AGO1: variants seen among roughly 807,000 people sequenced by gnomAD.
The protein encoded by AGO1 is argonaute RISC component 1.
Under a neutral mutation model 109.2 loss-of-function variants are expected in AGO1, and 11 were observed. The observed-to-expected ratio is 0.10, with a 90% CI of 0.06 to 0.17. The LOEUF (loss-of-function observed/expected upper bound fraction) is 0.17, where lower values mean the gene tolerates loss of function less well. Among genes scored for constraint, AGO1 ranks in the 10% least tolerant of loss-of-function variants. The pLI is 1.00. For missense variants in AGO1, 574 were observed against 1,140.3 expected (o/e 0.50, Z 7.15); for synonymous variants, 422 against 418.6 (o/e 1.01, Z -0.10).
Position 35,919,240 on chromosome 1 carries a change from C to T in AGO1, c.2451C>T (p.Asp817=), listed in dbSNP as rs1436350986. ...TCCGGGCACGATACCACCTGGTGGA[C>T]AAGGAGCATGACAGGTGAGGCCTGG... ...VAFRARYHLV[D]KEHDSGEGSH... The change falls in exon 18 of 19, where the codon GAC becomes GAT. Residue 817 remains aspartate, a synonymous_variant. Transcript: ENST00000373204. This position sits in a 1 kb window ranked among gnomAD's most constrained non-coding sequence, Gnocchi z 6.6. 1 of 1,613,730 alleles carries T rather than the reference C, an allele frequency of 6.2e-7. No individual in the cohort carries two copies.
intron 2 of AGO1, among the ~76,000 whole-genome samples, chr1:35,889,128 C>T (rs982119619): frequency 3.4e-5 from 5 of 146,910 alleles, no homozygotes; most frequent in Admixed American, 6.8e-5. Flanking sequence ...GGCAGAAGGA[C>T]GTTGTAGGAT....
Position 35,893,198 on chromosome 1 carries a change from C to G in AGO1, c.432C>G (p.Ala144=), listed in dbSNP as rs140048484. 1.2e-4 allele frequency: 196 copies of G among 1,614,076 alleles called. No homozygotes were observed. In the African/African-American group the frequency reaches 2.4e-3, roughly 19 times the overall value. ...TGAGCTGGCGAATGCTGCATGAGGC[C>G]CTGGTCAGCGGCCAGATCCCTGTTC... ...AIVSWRMLHE[A]LVSGQIPVPL... Residue 144 remains alanine, a synonymous_variant, in exon 4 of 19, where the codon GCC becomes GCG. Transcript: ENST00000373204. The surrounding 1 kb of genome is among the most constrained non-coding windows in gnomAD (Gnocchi z 5.6).
rs141975081 is a variant in AGO1, at chr1:35,913,906, C to T, written c.1647C>T (p.Asn549=). 23 of 1,613,908 alleles carry T rather than the reference C, an allele frequency of 1.4e-5. No individual in the cohort carries two copies. Among genetic ancestry groups the T allele is most frequent in the Non-Finnish European group, 1.9e-5 (22 of 1,180,028 alleles). ...GMATQCVQVK[N]VVKTSPQTLS... ...CTACGCAGTGTGTGCAGGTGAAGAACGTGGTCAAGACCTCACCTCAGACTC... is the reference window on the plus strand; with the variant it reads ...CTACGCAGTGTGTGCAGGTGAAGAATGTGGTCAAGACCTCACCTCAGACTC... Residue 549 remains asparagine (N), a synonymous_variant, in exon 13 of 19, where the codon AAC becomes AAT. Coordinates refer to ENST00000373204, the MANE Select transcript of AGO1 (RefSeq NM_012199.5).
intron 11 of AGO1, among the ~76,000 whole-genome samples, chr1:35,905,040 T>C (rs1645494215): frequency 6.6e-6 from 1 of 152,180 alleles, no homozygotes; most frequent in African/African-American, 2.4e-5. Flanking sequence ...TATATCACCT[T>C]TAAGATGGGA....
At chr1:35,904,205 A>T (rs1571361200) in intron 11 of AGO1, among the ~76,000 whole-genome samples, 2 of 141,324 alleles carry the variant, frequency 1.4e-5, no homozygotes, top group Non-Finnish European at 1.5e-5. Flanking sequence ...TTCCGGGTTC[A>T]CGCCAGTCTC....
At chr1:35,894,205 G>A (rs767378050) in intron 6 of AGO1, 34 bp downstream of exon 6, 6 of 1,569,162 alleles carry the variant, frequency 3.8e-6, no homozygotes, top group South Asian at 1.2e-5. Context: ...GGGAAACAGC[G>A]CCACTTTAGC....
At chr1:35,914,354 T>A (rs1645696393) in intron 14 of AGO1, 80 bp downstream of exon 14, 4 of 1,175,072 alleles carry the variant, frequency 3.4e-6, no homozygotes, top group Non-Finnish European at 5.1e-6. Context: ...TTTCCTTCCC[T>A]CAGCTCTGGC....
intron 11 of AGO1, among the ~76,000 whole-genome samples, chr1:35,904,890 A>T (rs1645490731): frequency 6.6e-6 from 1 of 152,238 alleles, no homozygotes; most frequent in African/African-American, 2.4e-5. Flanking sequence ...GAGAAAGGGC[A>T]TCCTTTCCAC....
rs1422983575 is a variant in AGO1, at chr1:35,923,339, CACTG to C, written c.*3736_*3739del. 6.6e-6 allele frequency: 1 copy of C among 152,146 alleles called. No homozygotes were observed. Among genetic ancestry groups the C allele is most frequent in the Non-Finnish European group, 1.5e-5 (1 of 68,014 alleles). 9.4% of individuals were successfully genotyped at this position (152,146 alleles called of 1,614,324 possible). On this transcript the variant is annotated 3_prime_UTR_variant, in exon 19 of 19. Coordinates refer to ENST00000373204, the MANE Select transcript of AGO1 (RefSeq NM_012199.5). ...CACTCAAGATGGGCAGCCAAGGGTGCACTGACTATTAGCTGGCCCATAGGATATC... is the reference window on the plus strand; with the variant it reads ...CACTCAAGATGGGCAGCCAAGGGTGCACTATTAGCTGGCCCATAGGATATC...
intron 1 of AGO1, among the ~76,000 whole-genome samples, chr1:35,871,479 G>GT (rs750909638): frequency 9.2e-5 from 14 of 151,844 alleles, no homozygotes; most frequent in Non-Finnish European, 1.5e-5. Context: ...GGAGGCGGAA[G>GT]TTGCAGTGAG....
intron 12 of AGO1, among the ~76,000 whole-genome samples, chr1:35,912,693 C>A (rs998785546): frequency 6.6e-6 from 1 of 152,012 alleles, no homozygotes; most frequent in Non-Finnish European, 1.5e-5. Flanking sequence ...CCTGCCTCAG[C>A]CTCCCAAGTA....
chr1:35,898,367 C>T (rs1645357526), intron 8 of AGO1, among the ~76,000 whole-genome samples: 1 of 152,050 alleles, frequency 6.6e-6, no homozygotes, highest in South Asian at 2.1e-4. Flanking sequence ...CGCCATTCTC[C>T]TGCCTCAGCC....
upstream of AGO1, chr1:35,883,186 G>A (rs1645056366): frequency 3.4e-6 from 4 of 1,163,326 alleles, no homozygotes; most frequent in African/African-American, 6.5e-5. This position sits in a 1 kb window ranked among gnomAD's most constrained non-coding sequence, Gnocchi z 5.4. Flanking sequence ...TCCGCCCCCT[G>A]GGCCCGGCGG....
intron 1 of AGO1, among the ~76,000 whole-genome samples, chr1:35,887,233 C>T (rs946101867): frequency 7.9e-5 from 12 of 152,246 alleles, no homozygotes; most frequent in Admixed American, 1.3e-4. Context: ...TCCTGACCCC[C>T]AGCTGAGGGT....
chr1:35,890,412 CAT>C (rs1425025525), intron 2 of AGO1, among the ~76,000 whole-genome samples: 1 of 152,130 alleles, frequency 6.6e-6, no homozygotes, highest in Non-Finnish European at 1.5e-5. Flanking sequence ...ACACCCAAAA[CAT>C]AGGGTTCTTT....
rs1217920228 is a variant in AGO1 at position 35,929,194 on chromosome 1, C to T, written c.*9587C>T. On this transcript the variant is annotated 3_prime_UTR_variant, in exon 19 of 19. Coordinates refer to ENST00000373204, the MANE Select transcript of AGO1 (RefSeq NM_012199.5). ...CATGTAGTCAGGAGAGAGCCTCATA[C>T]AGCTTTGCCTTTGGCAGAATCCTTC... 6.6e-6 allele frequency: 1 copy of T among 152,290 alleles called. No homozygotes were observed. The highest frequency in any genetic ancestry group is 1.5e-5 in the Non-Finnish European group (1 of 68,066). The allele number at this position is 152,290 out of a possible 1,614,324, so 9.4% of individuals were successfully genotyped here.
chr1:35,902,127 A>G (rs1645428334), intron 10 of AGO1, 57 bp downstream of exon 10: 2 of 1,585,990 alleles, frequency 1.3e-6, no homozygotes, highest in South Asian at 1.2e-5. Flanking sequence ...GTTGGGTTGT[A>G]TAGCCAGGGG....
Position 35,893,302 on chromosome 1 carries a change from G to T in AGO1, c.512+24G>T, listed in dbSNP as rs1477637047. 1.2e-6 allele frequency: 2 copies of T among 1,601,508 alleles called. No individual in the cohort carries two copies. Reference sequence around the variant, plus strand: ...AGGTATTGGGTGTAGTTAGTATCTGGGCTACTAGTGTTGGCAGAACTGCTG... The same window carrying T: ...AGGTATTGGGTGTAGTTAGTATCTGTGCTACTAGTGTTGGCAGAACTGCTG... On this transcript the variant is annotated intron_variant, in intron 4 of 18. Coordinates refer to ENST00000373204, the MANE Select transcript of AGO1 (RefSeq NM_012199.5). The surrounding 1 kb of genome is among the most constrained non-coding windows in gnomAD (Gnocchi z 5.6).
rs1237809139 is a variant in AGO1, at chr1:35,926,944, G to A, written c.*7337G>A. The A allele has an allele frequency of 8.0e-6, 1 of 125,296 alleles. No homozygotes were observed. The allele number at this position is 125,296 out of a possible 1,614,324, so 7.8% of individuals were successfully genotyped here. ...TCTTGGCAATGGTTTTTTGTTTGGG[G>A]TTTTTTTTTTTTTTTTTTTGGACAA... On this transcript the variant is annotated 3_prime_UTR_variant, in exon 19 of 19. Coordinates refer to ENST00000373204, the MANE Select transcript of AGO1 (RefSeq NM_012199.5).
Sources: allele counts gnomAD v4.1 joint callset (sites outside exome capture counted in the v4.1 genomes callset), GRCh38; gene constraint gnomAD v4.1.1; non-coding constraint Gnocchi (gnomAD v3.1); transcripts MANE v1.5; gene names NCBI Gene and HGNC (gene_info 2026-07-23, HGNC 2026-07-21).